The following TP63 variants were observed in gnomAD, a reference collection of about 807,000 sequenced individuals.
The protein encoded by TP63 is tumor protein p63, also known as tumor protein 63.
In TP63, 17 loss-of-function variants were observed where a neutral mutation model predicts 82.8. The ratio of observed to expected loss-of-function variants is 0.21; its 90% CI spans 0.14 to 0.31. TP63 has a LOEUF of 0.31. TP63 is among the 10% of genes least tolerant of loss of function. The pLI, the probability that TP63 is intolerant of heterozygous loss-of-function variation, is 1.00. For missense variants in TP63, 648 were observed against 895.3 expected (o/e 0.72, Z 3.52); for synonymous variants, 330 against 321.7 (o/e 1.03, Z -0.28).
intron 13 of TP63, 62 bp downstream of exon 13, chr3:189,890,944 C>A (rs1012091229): frequency 2.6e-6 from 4 of 1,516,414 alleles, no homozygotes; most frequent in African/African-American, 2.7e-5. Flanking sequence ...TGATGACAAC[C>A]GCCTTGTAGT....
chr3:189,754,100 T>C (rs1173961406), intron 3 of TP63, among the ~76,000 whole-genome samples: 1 of 152,180 alleles, frequency 6.6e-6, no homozygotes, highest in Non-Finnish European at 1.5e-5. Context: ...TGTTGCTCTT[T>C]ATGCCAAAGC....
At chr3:189,805,770 CA>C (rs1325418870) in intron 3 of TP63, among the ~76,000 whole-genome samples, 3 of 152,174 alleles carry the variant, frequency 2.0e-5, no homozygotes, top group Non-Finnish European at 4.4e-5. Context: ...TGCAGGCCAA[CA>C]AAACAATGGC....
At chr3:189,891,454 C>G (rs1045004866) in intron 13 of TP63, among the ~76,000 whole-genome samples, 2 of 152,118 alleles carry the variant, frequency 1.3e-5, no homozygotes, top group Admixed American at 6.5e-5. Context: ...CTATATGTTC[C>G]TTTATTAATT....
Position 189,846,028 on chromosome 3 carries a change from G to A in TP63, c.580-18204G>A, listed in dbSNP as rs369560665. ...ATTACCTGGCACCTCTATGCATTGT[G>A]ATACTGAATTACCAGTCTGCCAGCC... On this transcript the variant is annotated intron_variant, in intron 4 of 13. Coordinates refer to ENST00000264731, the MANE Select transcript of TP63 (RefSeq NM_003722.5). Among the ~76,000 whole-genome samples the A allele has an allele frequency of 2.0e-5, 3 of 152,126 alleles. No individual in the cohort carries two copies. In the East Asian group the frequency reaches 5.8e-4, roughly 29 times the overall value.
intron 3 of TP63, among the ~76,000 whole-genome samples, chr3:189,805,910 G>A (rs555163297): frequency 6.6e-6 from 1 of 152,248 alleles, no homozygotes; most frequent in South Asian, 2.1e-4. Context: ...GTGACTCAGA[G>A]GCAGACCAAG....
the TP63 span, among the ~76,000 whole-genome samples, chr3:189,623,871 G>A: frequency 1.4e-4 from 21 of 152,106 alleles, no homozygotes; most frequent in East Asian, 7.7e-4. Flanking sequence ...CCTTTTATTC[G>A]TTCAAAACCT....
intron 4 of TP63, among the ~76,000 whole-genome samples, chr3:189,848,239 T>TCCTTCTCTCTCTCTCTCTCTCTCTCTC (rs372147574): frequency 1.0e-5 from 1 of 96,026 alleles, no homozygotes; most frequent in African/African-American, 4.3e-5. Flanking sequence ...CTCCTCCTCC[T>TCCTTCTCTCTCTCTCTCTCTCTCTCTC]TCTCTCTCTC....
At chr3:189,842,242 G>A (rs781583654) in intron 4 of TP63, among the ~76,000 whole-genome samples, 6 of 152,160 alleles carry the variant, frequency 3.9e-5, no homozygotes, top group African/African-American at 1.2e-4. Flanking sequence ...GAGAGAGAGC[G>A]CGTGTATGTC....
At chr3:189,697,938 C>A (rs936203303) in intron 1 of TP63, among the ~76,000 whole-genome samples, 1 of 151,778 alleles carries the variant, frequency 6.6e-6, no homozygotes, top group Non-Finnish European at 1.5e-5. Context: ...ACCTGAAGAC[C>A]CATGGATTTT....
At chr3:189,634,573 TC>T (rs1553801710) in intron 1 of TP63, among the ~76,000 whole-genome samples, 1 of 152,062 alleles carries the variant, frequency 6.6e-6, no homozygotes, top group Non-Finnish European at 1.5e-5. Context: ...CAAAAACTTT[TC>T]TGAAAACCAA....
At chr3:189,599,640 G>A in the TP63 span, among the ~76,000 whole-genome samples, 1 of 152,196 alleles carries the variant, frequency 6.6e-6, no homozygotes, top group East Asian at 1.9e-4. Context: ...TCTATGAGCA[G>A]TTGTCAGATT....
At position 189,646,752 on chromosome 3, in the gene TP63, G is replaced by A. The variant is rs150552600; in HGVS notation, c.62+15175G>A. Reference sequence around the variant, plus strand: ...AAAAATACATCTTAAAAACAAAGTCGAAAATAAAAGTGAGAAAAGCAAATA... The same window carrying A: ...AAAAATACATCTTAAAAACAAAGTCAAAAATAAAAGTGAGAAAAGCAAATA... On this transcript the variant is annotated intron_variant, in intron 1 of 13. Transcript: ENST00000264731. Among the ~76,000 whole-genome samples, 47 of 146,870 alleles carry A rather than the reference G, an allele frequency of 3.2e-4. 14 individuals are homozygous for A. The East Asian group carries it at 0.01, about 32-fold the overall frequency.
intron 4 of TP63, among the ~76,000 whole-genome samples, chr3:189,860,163 G>A (rs1716846579): frequency 6.6e-6 from 1 of 151,890 alleles, no homozygotes; most frequent in Non-Finnish European, 1.5e-5. Context: ...GAATAAATTA[G>A]GCCTTAGAAT....
At chr3:189,840,745 C>T (rs1054078786) in intron 4 of TP63, among the ~76,000 whole-genome samples, 4 of 151,062 alleles carry the variant, frequency 2.6e-5, no homozygotes, top group African/African-American at 4.9e-5. Flanking sequence ...GTAATCCCAG[C>T]TACTCGGGAG....
chr3:189,776,470 C>G (rs1267888166), intron 3 of TP63, among the ~76,000 whole-genome samples: 1 of 152,166 alleles, frequency 6.6e-6, no homozygotes, highest in Non-Finnish European at 1.5e-5. Context: ...GGATGCTTAA[C>G]TGATTGCTTT....
chr3:189,874,437 T>C (rs1253544155), intron 10 of TP63, among the ~76,000 whole-genome samples: 1 of 152,198 alleles, frequency 6.6e-6, no homozygotes, highest in African/African-American at 2.4e-5. Context: ...TGAGCACCTG[T>C]TATCTACAGA....
chr3:189,703,547 G>A (rs1717979276), intron 1 of TP63, among the ~76,000 whole-genome samples: 1 of 152,180 alleles, frequency 6.6e-6, no homozygotes, highest in African/African-American at 2.4e-5. Context: ...GTGGCTGCCA[G>A]TTTGAGTAGG....
the TP63 span, among the ~76,000 whole-genome samples, chr3:189,614,087 G>A: frequency 5.3e-5 from 8 of 152,100 alleles, no homozygotes; most frequent in South Asian, 2.1e-4. Flanking sequence ...TTTAAAATAT[G>A]AGGACAGGAG....
At chr3:189,637,577 G>A (rs1711500963) in intron 1 of TP63, among the ~76,000 whole-genome samples, 1 of 152,160 alleles carries the variant, frequency 6.6e-6, no homozygotes, top group South Asian at 2.1e-4. Context: ...ACCAGGATGA[G>A]AATTCAAGTC....
Sources: allele counts gnomAD v4.1 joint callset (sites outside exome capture counted in the v4.1 genomes callset), GRCh38; gene constraint gnomAD v4.1.1; transcripts MANE v1.5; gene names NCBI Gene and HGNC (gene_info 2026-07-23, HGNC 2026-07-21).